The following DOCK1 variants were observed in gnomAD, a reference collection of about 807,000 sequenced individuals.
The protein encoded by DOCK1 is dedicator of cytokinesis protein 1.
A neutral mutation model predicts 262.7 loss-of-function variants in DOCK1; 138 were observed. The observed-to-expected ratio is 0.53, with a 90% CI of 0.46 to 0.61. The LOEUF is 0.61. DOCK1 is among the 20% of genes least tolerant of loss of function. The probability of loss-of-function intolerance (pLI) is 0.00; values close to 1 mark genes in which losing one functional copy is unlikely to be tolerated. For synonymous variants in DOCK1, 866 were observed against 867.4 expected (o/e 1.00, Z 0.03); for missense variants, 1,908 against 2,370.7 (o/e 0.80, Z 4.05).
At chr10:127,101,417 T>C (rs1301039192) in intron 23 of DOCK1, among the ~76,000 whole-genome samples, 1 of 152,226 alleles carries the variant, frequency 6.6e-6, no homozygotes, top group Non-Finnish European at 1.5e-5. Flanking sequence ...CACCCAGGAC[T>C]GATAGCAGAT....
At chr10:127,441,213 G>A (rs780452329) in intron 49 of DOCK1, among the ~76,000 whole-genome samples, 1 of 152,230 alleles carries the variant, frequency 6.6e-6, no homozygotes, top group Non-Finnish European at 1.5e-5. Flanking sequence ...CAGGCACAGA[G>A]CCAGCACAGT....
chr10:127,352,440 A>G lies in DOCK1; in HGVS notation c.3225-2229A>G, dbSNP rs75669825. Among the ~76,000 whole-genome samples, 139 of 152,232 alleles carry G rather than the reference A, an allele frequency of 9.1e-4. 4 individuals are homozygous for G. The East Asian group carries it at 0.022, about 24-fold the overall frequency. Reference sequence around the variant, plus strand: ...TGAATTACCCAAACCGCAAGTGGAAAATCCACTGCAGCTGAGTATCATGTA... The same window carrying G: ...TGAATTACCCAAACCGCAAGTGGAAGATCCACTGCAGCTGAGTATCATGTA... On this transcript the variant is annotated intron_variant, in intron 31 of 51. Transcript: ENST00000623213.
chr10:126,962,928 AT>A (rs1253744051), intron 1 of DOCK1, among the ~76,000 whole-genome samples: 4 of 150,478 alleles, frequency 2.7e-5, no homozygotes, highest in Admixed American at 6.6e-5. Flanking sequence ...ATCCAACTTC[AT>A]TTTTTTTTGC....
intron 25 of DOCK1, among the ~76,000 whole-genome samples, chr10:127,117,402 C>T (rs145255021): frequency 5.8e-4 from 89 of 152,316 alleles, no homozygotes; most frequent in African/African-American, 2.0e-3. Context: ...CTGTTTCACA[C>T]CCACCATATG....
intron 19 of DOCK1, among the ~76,000 whole-genome samples, chr10:127,038,316 G>C (rs1342023782): frequency 6.6e-6 from 1 of 152,156 alleles, no homozygotes; most frequent in African/African-American, 2.4e-5. Context: ...GGGACTCTCT[G>C]GGTTAGCCGT....
Position 127,175,800 on chromosome 10 carries a change from G to C in DOCK1, c.2847+48036G>C, listed in dbSNP as rs531727184. On this transcript the variant is annotated intron_variant, in intron 27 of 51. Coordinates refer to ENST00000623213, the MANE Select transcript of DOCK1 (RefSeq NM_001290223.2). This position sits in a 1 kb window ranked among gnomAD's most constrained non-coding sequence, Gnocchi z 6.3. The stretch of plus-strand genomic sequence containing the variant: ...AGCTTCTCCATAGCTGAGCGGCTCC[G>C]GGCTTTTACAGGGCTCTGTGCAGTT... The C allele has an allele frequency of 3.7e-6, 6 of 1,614,092 alleles. No homozygotes were observed. The highest frequency in any genetic ancestry group is 5.1e-6 in the Non-Finnish European group (6 of 1,180,026).
chr10:127,081,012 C>T (rs984407831), intron 23 of DOCK1, among the ~76,000 whole-genome samples: 10 of 152,100 alleles, frequency 6.6e-5, no homozygotes, highest in African/African-American at 2.2e-4. Context: ...ATTATGTCAT[C>T]TCTATTTGAA....
chr10:127,400,687 A>C (rs2067172048), intron 38 of DOCK1, among the ~76,000 whole-genome samples: 1 of 151,484 alleles, frequency 6.6e-6, no homozygotes, highest in South Asian at 2.1e-4. Flanking sequence ...CTGGACATAG[A>C]GTAAGCTGGG....
At chr10:127,156,904 C>T (rs2053141676) in intron 27 of DOCK1, among the ~76,000 whole-genome samples, 1 of 152,126 alleles carries the variant, frequency 6.6e-6, no homozygotes, top group African/African-American at 2.4e-5. Context: ...CCTGAAAAGA[C>T]TTTACTGCAG....
chr10:127,063,094 TACA>T (rs952043723), intron 23 of DOCK1, among the ~76,000 whole-genome samples: 4 of 152,240 alleles, frequency 2.6e-5, no homozygotes, highest in Non-Finnish European at 5.9e-5. Flanking sequence ...GAAGGAGCTG[TACA>T]ACTTGCAATT....
chr10:126,942,120 T>G (rs1049447501), intron 1 of DOCK1, among the ~76,000 whole-genome samples: 11 of 151,804 alleles, frequency 7.2e-5, no homozygotes, highest in Admixed American at 1.3e-4. Context: ...TGCCTCCCGG[T>G]TTCACACCAT....
At chr10:127,049,968 C>CTTTTTTTTT (rs71941085) in intron 21 of DOCK1, among the ~76,000 whole-genome samples, 1 of 100,080 alleles carries the variant, frequency 1.0e-5, no homozygotes, top group African/African-American at 3.9e-5. Flanking sequence ...AAACTGGCCT[C>CTTTTTTTTT]TTTTTTTTTT....
At chr10:127,198,744 C>T (rs201827192) in intron 27 of DOCK1, among the ~76,000 whole-genome samples, 14 of 146,434 alleles carry the variant, frequency 9.6e-5, no homozygotes, top group East Asian at 4.0e-4. Context: ...GGCATCGCTT[C>T]TTTTTTTTTT....
chr10:127,194,729 G>A (rs1027208734), intron 27 of DOCK1, among the ~76,000 whole-genome samples: 5 of 152,124 alleles, frequency 3.3e-5, no homozygotes, highest in African/African-American at 4.8e-5. Context: ...AGGGGGGAGC[G>A]TTCAAGTGCA....
chr10:127,081,067 A>G (rs2046871624), intron 23 of DOCK1, among the ~76,000 whole-genome samples: 1 of 152,144 alleles, frequency 6.6e-6, no homozygotes, highest in Non-Finnish European at 1.5e-5. Context: ...AATAAATACT[A>G]TTTTCAGAGA....
intron 1 of DOCK1, among the ~76,000 whole-genome samples, chr10:126,962,646 G>C (rs1364851393): frequency 6.6e-6 from 1 of 152,178 alleles, no homozygotes; most frequent in Non-Finnish European, 1.5e-5. Context: ...ACAGATAGGG[G>C]ATTTGTAAAT....
intron 1 of DOCK1, among the ~76,000 whole-genome samples, chr10:126,950,350 G>C (rs2036101482): frequency 6.6e-6 from 1 of 152,086 alleles, no homozygotes. Context: ...GGATTGACTG[G>C]ATGATTGGAG....
At chr10:127,312,303 A>G (rs1031670015) in intron 29 of DOCK1, among the ~76,000 whole-genome samples, 1 of 152,178 alleles carries the variant, frequency 6.6e-6, no homozygotes, top group Non-Finnish European at 1.5e-5. Context: ...GCTCTCCAGT[A>G]CGGATTCCTA....
chr10:127,067,453 C>T (rs1591879961), intron 23 of DOCK1, among the ~76,000 whole-genome samples: 1 of 152,048 alleles, frequency 6.6e-6, no homozygotes, highest in Non-Finnish European at 1.5e-5. Context: ...AAACTTTGAC[C>T]ATGATCCACA....
Sources: allele counts gnomAD v4.1 joint callset (sites outside exome capture counted in the v4.1 genomes callset), GRCh38; gene constraint gnomAD v4.1.1; non-coding constraint Gnocchi (gnomAD v3.1); transcripts MANE v1.5; gene names NCBI Gene and HGNC (gene_info 2026-07-23, HGNC 2026-07-21).